KCNK13: variants seen among roughly 807,000 people sequenced by gnomAD.
KCNK13 encodes potassium two pore domain channel subfamily K member 13.
In KCNK13, 12 loss-of-function variants were observed where a neutral mutation model predicts 23.4. That is an observed-to-expected ratio of 0.51 (90% CI 0.33 to 0.83). KCNK13 has a LOEUF of 0.83. Among genes scored for constraint, KCNK13 ranks in the 40% least tolerant of loss-of-function variants. KCNK13 has a pLI of 0.02. For missense variants in KCNK13, 463 were observed against 556.3 expected, an observed-to-expected ratio of 0.83 and a Z score of 1.69; for synonymous variants, 231 against 229.5, an observed-to-expected ratio of 1.01 and a Z score of -0.06.
chr14:90,122,541 A>C (rs2140418082), intron 1 of KCNK13, among the ~76,000 whole-genome samples: 1 of 152,056 alleles, frequency 6.6e-6, no homozygotes, highest in African/African-American at 2.4e-5. Flanking sequence ...ACAGGGTTTC[A>C]CCATGTTGGC....
At chr14:90,110,125 G>T (rs1889596936) in intron 1 of KCNK13, among the ~76,000 whole-genome samples, 1 of 152,208 alleles carries the variant, frequency 6.6e-6, no homozygotes, top group Admixed American at 6.5e-5. Flanking sequence ...CCCTGTAGGG[G>T]CAGCGTTGCC....
At chr14:90,086,575 T>C (rs1555401746) in intron 1 of KCNK13, among the ~76,000 whole-genome samples, 1 of 152,206 alleles carries the variant, frequency 6.6e-6, no homozygotes, top group Non-Finnish European at 1.5e-5. Context: ...ATGTTACTGA[T>C]GAATATATTT....
At chr14:90,100,702 T>C (rs1430486102) in intron 1 of KCNK13, among the ~76,000 whole-genome samples, 2 of 152,056 alleles carry the variant, frequency 1.3e-5, no homozygotes, top group East Asian at 3.9e-4. Context: ...GGTTGGTTGG[T>C]TTTTCTTGGG....
At chr14:90,164,205 T>A (rs569803502) in intron 1 of KCNK13, among the ~76,000 whole-genome samples, 1 of 152,314 alleles carries the variant, frequency 6.6e-6, no homozygotes, top group East Asian at 1.9e-4. Flanking sequence ...ATTATACCCA[T>A]CCCATGTGTG....
chr14:90,148,717 C>T (rs548242321), intron 1 of KCNK13, among the ~76,000 whole-genome samples: 5 of 152,326 alleles, frequency 3.3e-5, no homozygotes, highest in Admixed American at 1.3e-4. Flanking sequence ...CTAAGGAACG[C>T]ATATTTTATC....
intron 1 of KCNK13, among the ~76,000 whole-genome samples, chr14:90,145,064 T>C: frequency 6.6e-6 from 1 of 151,272 alleles, no homozygotes; most frequent in East Asian, 1.9e-4. Flanking sequence ...TTACATGGGG[T>C]TTTTTTTTAG....
chr14:90,166,797 G>A (rs1266982242), intron 1 of KCNK13, among the ~76,000 whole-genome samples: 1 of 152,146 alleles, frequency 6.6e-6, no homozygotes, highest in Non-Finnish European at 1.5e-5. Flanking sequence ...GAGGCAGGGT[G>A]AGTCCTCCCC....
chr14:90,075,732 C>T (rs1044843173), intron 1 of KCNK13, among the ~76,000 whole-genome samples: 9 of 152,172 alleles, frequency 5.9e-5, no homozygotes, highest in African/African-American at 7.2e-5. Flanking sequence ...CTGCCCACCT[C>T]GACCTCCCAA....
intron 1 of KCNK13, among the ~76,000 whole-genome samples, chr14:90,088,791 T>G (rs1238338489): frequency 6.6e-6 from 1 of 152,118 alleles, no homozygotes; most frequent in East Asian, 1.9e-4. Flanking sequence ...GATGGGAGGT[T>G]ATTGAATTAT....
intron 1 of KCNK13, among the ~76,000 whole-genome samples, chr14:90,066,510 GC>G (rs1566945394): frequency 6.6e-6 from 1 of 151,292 alleles, no homozygotes; most frequent in African/African-American, 2.4e-5. Flanking sequence ...CAAGTGATCC[GC>G]CCACCTCAGC....
chr14:90,163,650 GA>G lies in KCNK13; in HGVS notation c.335-20460del, dbSNP rs1310867131. Among the ~76,000 whole-genome samples the G allele has an allele frequency of 1.4e-3, 213 of 152,290 alleles. 4 individuals are homozygous for G. Among genetic ancestry groups the G allele is most frequent in the Non-Finnish European group, 2.1e-4 (14 of 68,016 alleles). Reference sequence around the variant, plus strand: ...ACTGGGTGCTTCACACTTGCTAGCTGAGTTGGCAGTTCCATCTAACTTCACG... The same window carrying G: ...ACTGGGTGCTTCACACTTGCTAGCTGGTTGGCAGTTCCATCTAACTTCACG... On this transcript the variant is annotated intron_variant, in intron 1 of 1. Coordinates refer to ENST00000282146, the MANE Select transcript of KCNK13 (RefSeq NM_022054.4).
chr14:90,184,108 C>T lies in KCNK13; in HGVS notation c.335-3C>T, dbSNP rs1365496894. The T allele has an allele frequency of 1.2e-6, 2 of 1,609,402 alleles. No homozygotes were observed. The highest frequency in any genetic ancestry group is 1.7e-6 in the Non-Finnish European group (2 of 1,176,922). ...ACTCTTCTCTCATTTTTCTCTCCTG[C>T]AGGGTTTGGGATGACAACTCCGGCG... On this transcript the variant is annotated splice_region_variant and splice_polypyrimidine_tract_variant and intron_variant, in intron 1 of 1. Coordinates refer to ENST00000282146, the MANE Select transcript of KCNK13 (RefSeq NM_022054.4). This position sits in a 1 kb window ranked among gnomAD's most constrained non-coding sequence, Gnocchi z 5.6.
chr14:90,131,946 C>T (rs952617778), intron 1 of KCNK13, among the ~76,000 whole-genome samples: 5 of 152,130 alleles, frequency 3.3e-5, no homozygotes, highest in South Asian at 2.1e-4. Flanking sequence ...CCCAAAGAAT[C>T]GAAAGTAGGA....
At chr14:90,162,493 C>T (rs1239569208) in intron 1 of KCNK13, among the ~76,000 whole-genome samples, 1 of 152,118 alleles carries the variant, frequency 6.6e-6, no homozygotes, top group Non-Finnish European at 1.5e-5. Flanking sequence ...GAAATGTTGC[C>T]ATTGAGGAAA....
chr14:90,062,455 G>A lies in KCNK13; in HGVS notation c.250G>A (p.Ala84Thr), dbSNP rs1315626387. 1.3e-6 allele frequency: 2 copies of A among 1,546,810 alleles called. No individual in the cohort carries two copies. The highest frequency in any genetic ancestry group is 8.7e-7 in the Non-Finnish European group (1 of 1,145,988). The change falls in exon 1 of 2, where the codon GCC becomes ACC. Residue 84 changes from alanine to threonine, a missense_variant. This residue lies in a region of KCNK13 where 153 missense variants were observed against 153.6 expected (regional missense o/e 1.00). Coordinates refer to ENST00000282146, the MANE Select transcript of KCNK13 (RefSeq NM_022054.4). The surrounding 1 kb of genome is among the most constrained non-coding windows in gnomAD (Gnocchi z 4.5). ...CCGCCACTACGAGGAGGCCACTCGGGCCGGCATCCGCGTGGACAACGTCCG... is the reference window on the plus strand; with the variant it reads ...CCGCCACTACGAGGAGGCCACTCGGACCGGCATCCGCGTGGACAACGTCCG... ...FLRHYEEATR[A>T]GIRVDNVRPR...
At chr14:90,120,147 A>G (rs567115214) in intron 1 of KCNK13, among the ~76,000 whole-genome samples, 3 of 152,224 alleles carry the variant, frequency 2.0e-5, no homozygotes, top group East Asian at 3.9e-4. Context: ...GCTCCCACTT[A>G]TAAGTGACAA....
At chr14:90,069,912 A>G (rs1479681970) in intron 1 of KCNK13, among the ~76,000 whole-genome samples, 3 of 152,214 alleles carry the variant, frequency 2.0e-5, no homozygotes, top group African/African-American at 7.2e-5. Context: ...AGTTAGAATT[A>G]GAACCAAGTT....
chr14:90,172,181 G>T (rs905224695), intron 1 of KCNK13, among the ~76,000 whole-genome samples: 5 of 152,118 alleles, frequency 3.3e-5, no homozygotes, highest in African/African-American at 1.2e-4. Flanking sequence ...GCTGGCTGTG[G>T]TGGCAGGTGC....
intron 1 of KCNK13, among the ~76,000 whole-genome samples, chr14:90,113,863 G>A (rs112297073): frequency 0.068 from 10,302 of 152,142 alleles, 441 homozygotes; most frequent in South Asian, 0.15. Flanking sequence ...AACCCAGGAG[G>A]TGGAGGTTGC....
Sources: gnomAD v4.1 joint callset for allele counts (sites outside exome capture counted in the v4.1 genomes callset) on GRCh38, gnomAD v4.1.1 for gene constraint, gnomAD v4.1.1 regional missense constraint, Gnocchi (gnomAD v3.1) non-coding constraint, MANE v1.5 for transcripts, NCBI Gene and HGNC (gene_info 2026-07-23, HGNC 2026-07-21) for gene names.